ANKFN1: variants seen among roughly 807,000 people sequenced by gnomAD.
ANKFN1 encodes ankyrin repeat and fibronectin type III domain containing 1.
In ANKFN1, 74 loss-of-function variants were observed where a neutral mutation model predicts 108.7. The observed-to-expected ratio is 0.68, with a 90% CI of 0.56 to 0.83. The LOEUF (loss-of-function observed/expected upper bound fraction) is 0.83. ANKFN1 is among the 40% of genes least tolerant of loss of function. ANKFN1 has a pLI of 0.00. For missense variants in ANKFN1, 1,505 were observed against 1,382.3 expected, an observed-to-expected ratio of 1.09 and a Z score of -1.41; for synonymous variants, 547 against 516.2, an observed-to-expected ratio of 1.06 and a Z score of -0.81.
rs538848581 is a variant in ANKFN1 at position 56,463,598 on chromosome 17, A to G, written c.1558-2758A>G. On this transcript the variant is annotated intron_variant, in intron 14 of 20. Coordinates refer to ENST00000682825, the MANE Select transcript of ANKFN1 (RefSeq NM_001370326.1). ...CTTAGGAAAATGTCAGAGGGCCCAA[A>G]GAGGGAGAAGTGTACATTGCTCTTA... Among the ~76,000 whole-genome samples, 409 of 152,322 alleles carry G rather than the reference A, an allele frequency of 2.7e-3. 3 individuals are homozygous for G. The highest frequency in any genetic ancestry group is 0.021 in the South Asian group (99 of 4,824).
chr17:56,478,987 A>G (rs2050606752), intron 16 of ANKFN1, among the ~76,000 whole-genome samples: 1 of 152,176 alleles, frequency 6.6e-6, no homozygotes, highest in Non-Finnish European at 1.5e-5. Context: ...TGACTACCAT[A>G]TTCTCTCTTC....
chr17:56,249,201 G>A (rs371912565), intron 3 of ANKFN1, among the ~76,000 whole-genome samples: 20 of 152,198 alleles, frequency 1.3e-4, no homozygotes, highest in African/African-American at 3.4e-4. Flanking sequence ...TTGGGAGGCC[G>A]AGGTGGGCAG....
chr17:56,054,154 A>G (rs1305088368), intron 4 of ANKFN1, among the ~76,000 whole-genome samples: 1 of 152,206 alleles, frequency 6.6e-6, no homozygotes, highest in Non-Finnish European at 1.5e-5. Flanking sequence ...CTATGGAAAA[A>G]CAGTATGGAG....
chr17:56,362,775 T>C (rs1016788214), intron 6 of ANKFN1, among the ~76,000 whole-genome samples: 2 of 152,138 alleles, frequency 1.3e-5, no homozygotes, highest in African/African-American at 4.8e-5. Flanking sequence ...TAAGAAGCTT[T>C]TTCACAGCAA....
chr17:56,389,094 T>C (rs990333749), intron 8 of ANKFN1, among the ~76,000 whole-genome samples: 1 of 152,068 alleles, frequency 6.6e-6, no homozygotes, highest in African/African-American at 2.4e-5. Context: ...TTTACTTTTA[T>C]AGAGAAACTT....
At chr17:56,410,852 T>C (rs1245217857) in intron 8 of ANKFN1, among the ~76,000 whole-genome samples, 1 of 152,248 alleles carries the variant, frequency 6.6e-6, no homozygotes, top group East Asian at 1.9e-4. Context: ...GGTTTATTTC[T>C]AGGCTTTCTA....
intron 1 of ANKFN1, among the ~76,000 whole-genome samples, chr17:56,162,952 T>C (rs1909798002): frequency 6.6e-6 from 1 of 151,704 alleles, no homozygotes; most frequent in Admixed American, 6.6e-5. Context: ...GGAGAAGAGC[T>C]TGAACCCTGG....
rs532187526 is a variant in ANKFN1, at chr17:56,486,930, C to A, written c.2260+4406C>A. Among the ~76,000 whole-genome samples the A allele has an allele frequency of 3.9e-5, 6 of 152,290 alleles. No individual in the cohort carries two copies. The East Asian group carries it at 1.2e-3, about 29-fold the overall frequency. On this transcript the variant is annotated intron_variant, in intron 18 of 20. Transcript: ENST00000682825. The stretch of plus-strand genomic sequence containing the variant: ...AACTGACCTTGTTCCTGCCAGTGGC[C>A]TAAGTGAATCATAAATAACTTGCTA...
chr17:56,288,844 T>C (rs147932259), intron 3 of ANKFN1, among the ~76,000 whole-genome samples: 6,777 of 152,210 alleles, frequency 0.045, 500 homozygotes, highest in African/African-American at 0.16. Flanking sequence ...TATTTCCTGG[T>C]CACACCCTAC....
Position 56,146,809 on chromosome 17 carries a change from G to A in ANKFN1, c.289-81108G>A, listed in dbSNP as rs141800793. On this transcript the variant is annotated intron_variant, in intron 4 of 12. Coordinates refer to the ANKFN1 transcript ENST00000635860. ...GACATGCCCTGGAGACATTTTCCTC[G>A]TTGTCTTGGTGATTAACTTTCAGCT... Among the ~76,000 whole-genome samples the A allele has an allele frequency of 1.0e-3, 152 of 152,312 alleles. 1 individual carries two copies. The highest frequency in any genetic ancestry group is 7.9e-3 in the East Asian group (41 of 5,186).
At chr17:56,086,116 A>G (rs1905310679) in intron 4 of ANKFN1, among the ~76,000 whole-genome samples, 1 of 151,240 alleles carries the variant, frequency 6.6e-6, no homozygotes, top group African/African-American at 2.4e-5. Flanking sequence ...GCTTTTAAAA[A>G]TCAATTTGTG....
chr17:56,477,396 A>G, intron 15 of ANKFN1, 92 bp from the exon 16 acceptor site: 2 of 1,284,378 alleles, frequency 1.6e-6, no homozygotes, highest in South Asian at 3.6e-5. Flanking sequence ...CCTTTCATTC[A>G]TGACAAGCCT....
At chr17:56,266,251 A>G (rs1449588512) in intron 3 of ANKFN1, among the ~76,000 whole-genome samples, 2 of 152,114 alleles carry the variant, frequency 1.3e-5, no homozygotes, top group African/African-American at 4.8e-5. Flanking sequence ...CGAGCACTGT[A>G]TATTCTGTGA....
At chr17:56,100,837 C>T (rs371026454) in intron 4 of ANKFN1, among the ~76,000 whole-genome samples, 6 of 152,318 alleles carry the variant, frequency 3.9e-5, no homozygotes, top group African/African-American at 1.4e-4. Context: ...CCAAACTTCA[C>T]CTGTAGTTTG....
intron 8 of ANKFN1, among the ~76,000 whole-genome samples, chr17:56,407,068 G>C (rs1418522468): frequency 6.6e-6 from 1 of 152,080 alleles, no homozygotes; most frequent in Non-Finnish European, 1.5e-5. Flanking sequence ...GTAGCTCAGG[G>C]GTTCCAAAAA....
intron 16 of ANKFN1, among the ~76,000 whole-genome samples, chr17:56,480,390 A>G (rs927527627): frequency 6.6e-6 from 1 of 152,200 alleles, no homozygotes; most frequent in African/African-American, 2.4e-5. Flanking sequence ...GGAAATTATT[A>G]CAAAATATTT....
At chr17:56,244,537 T>C (rs1234329500) in intron 3 of ANKFN1, among the ~76,000 whole-genome samples, 3 of 152,160 alleles carry the variant, frequency 2.0e-5, no homozygotes, top group Admixed American at 2.0e-4. Flanking sequence ...TACCAAGATA[T>C]GAGAAATCTG....
In ANKFN1 at chr17:56,498,919, T is replaced by G. The variant is rs778484994; in HGVS notation, c.2465T>G (p.Met822Arg). 2 of 1,535,704 alleles carry G rather than the reference T, an allele frequency of 1.3e-6. No individual in the cohort carries two copies. Among genetic ancestry groups the G allele is most frequent in the South Asian group, 2.4e-5 (2 of 84,054 alleles). Reference protein sequence around the residue: ...DEVWREMRWIMDALQYARYKQ... With the variant: ...DEVWREMRWIRDALQYARYKQ... ...GTCTGGCGTGAAATGAGATGGATCA[T>G]GGATGCTCTACAGTATGCAAGATAC... Residue 822 changes from methionine to arginine, a missense_variant, in exon 20 of 21, where the codon ATG (methionine) becomes AGG (arginine). Transcript: ENST00000682825.
chr17:56,409,996 G>A (rs1475585347), intron 8 of ANKFN1, among the ~76,000 whole-genome samples: 1 of 152,104 alleles, frequency 6.6e-6, no homozygotes. Context: ...AAAACTGAAA[G>A]TAGAGTACTA....
Sources: gnomAD v4.1 joint callset for allele counts (sites outside exome capture counted in the v4.1 genomes callset) on GRCh38, gnomAD v4.1.1 for gene constraint, MANE v1.5 for transcripts, NCBI Gene and HGNC (gene_info 2026-07-23, HGNC 2026-07-21) for gene names.